The following MECOM variants were observed in gnomAD, a reference collection of about 807,000 sequenced individuals.
The protein encoded by MECOM is MDS1 and EVI1 complex locus.
Under a neutral mutation model 116.3 loss-of-function variants are expected in MECOM, and 13 were observed. The ratio of observed to expected loss-of-function variants is 0.11; its 90% CI spans 0.07 to 0.18. The LOEUF (loss-of-function observed/expected upper bound fraction) is 0.18. Among genes scored for constraint, MECOM ranks in the 10% least tolerant of loss-of-function variants. MECOM has a pLI of 1.00. For synonymous variants in MECOM, 528 were observed against 535.2 expected, an observed-to-expected ratio of 0.99 and a Z score of 0.19; for missense variants, 1,299 against 1,509.0, an observed-to-expected ratio of 0.86 and a Z score of 2.31.
At chr3:169,394,029 G>C (rs575922368) in intron 1 of MECOM, among the ~76,000 whole-genome samples, 1 of 152,050 alleles carries the variant, frequency 6.6e-6, no homozygotes, top group Non-Finnish European at 1.5e-5. Context: ...AAATCTACTG[G>C]AGACAGGAAA....
chr3:169,288,578 T>G (rs1040053709), intron 2 of MECOM, among the ~76,000 whole-genome samples: 3 of 152,192 alleles, frequency 2.0e-5, no homozygotes, highest in African/African-American at 7.2e-5. Context: ...CATTTAATAG[T>G]AACAAGAAAA....
At chr3:169,494,741 C>T (rs1753611188) in intron 1 of MECOM, among the ~76,000 whole-genome samples, 1 of 152,218 alleles carries the variant, frequency 6.6e-6, no homozygotes, top group East Asian at 1.9e-4. Flanking sequence ...TTTGTAAAAG[C>T]TCCCAGTGTG....
chr3:169,374,089 T>C (rs1730612974), intron 2 of MECOM, among the ~76,000 whole-genome samples: 1 of 151,802 alleles, frequency 6.6e-6, no homozygotes, highest in Non-Finnish European at 1.5e-5. Context: ...ATAGGATTAG[T>C]GTCCTTATAT....
intron 3 of MECOM, among the ~76,000 whole-genome samples, chr3:169,140,055 G>GAAA (rs10646514): frequency 7.1e-4 from 107 of 150,010 alleles, no homozygotes; most frequent in South Asian, 1.1e-3. Context: ...TCTGAATAAT[G>GAAA]AAAAAAAAAC....
chr3:169,512,298 G>C (rs1756070659), intron 1 of MECOM, among the ~76,000 whole-genome samples: 1 of 152,014 alleles, frequency 6.6e-6, no homozygotes. Flanking sequence ...ACTTACTAAC[G>C]CTCCCAAGAA....
At chr3:169,426,774 CCTT>C (rs1372187392) in intron 1 of MECOM, among the ~76,000 whole-genome samples, 1 of 152,140 alleles carries the variant, frequency 6.6e-6, no homozygotes, top group Non-Finnish European at 1.5e-5. Context: ...TCTTCAGAAT[CCTT>C]CTTCCAAATG....
intron 1 of MECOM, among the ~76,000 whole-genome samples, chr3:169,481,468 G>A (rs1038780536): frequency 5.9e-5 from 9 of 152,010 alleles, no homozygotes; most frequent in South Asian, 2.1e-4. Context: ...CAGGAGAATC[G>A]CTTGAACCTG....
chr3:169,505,173 G>A (rs1267059196), intron 1 of MECOM, among the ~76,000 whole-genome samples: 1 of 151,918 alleles, frequency 6.6e-6, no homozygotes, highest in Admixed American at 6.6e-5. Flanking sequence ...ATAAGTGCAA[G>A]GCCTACTCCT....
chr3:169,381,515 C>G lies in MECOM; in HGVS notation c.47G>C (p.Cys16Ser), dbSNP rs776402461. The G allele has an allele frequency of 6.3e-7, 1 of 1,589,064 alleles. No homozygotes were observed. Residue 16 changes from cysteine to serine, a missense_variant, in exon 2 of 17, where the codon TGT becomes TCT. Physicochemically the swap from Cys to Ser is moderately radical, Grantham distance 112. This residue lies in a region of MECOM where 374 missense variants were observed against 433.4 expected (regional missense o/e 0.86). Transcript: ENST00000651503. ...TATTTCAGGGTAGTTGCCATATACA[C>G]ACTCATTATCTGTGAATAAATAAGA... ...RARKLATNNE[C>S]VYGNYPEIPL...
chr3:169,213,259 T>A (rs1284506017), intron 2 of MECOM, among the ~76,000 whole-genome samples: 1 of 151,990 alleles, frequency 6.6e-6, no homozygotes, highest in African/African-American at 2.4e-5. Flanking sequence ...AATTAACGAG[T>A]CTTTATAGAA....
chr3:169,582,010 A>G (rs758298272), intron 1 of MECOM, among the ~76,000 whole-genome samples: 1 of 152,202 alleles, frequency 6.6e-6, no homozygotes, highest in Non-Finnish European at 1.5e-5. Context: ...GGTTGAAGGG[A>G]ATAGACTCCC....
chr3:169,558,041 T>G (rs1298056069), intron 1 of MECOM, among the ~76,000 whole-genome samples: 2 of 152,220 alleles, frequency 1.3e-5, no homozygotes, highest in Non-Finnish European at 2.9e-5. Flanking sequence ...AAAAGATTTT[T>G]TAAAATAATT....
chr3:169,162,166 A>G (rs1742947454), intron 2 of MECOM, among the ~76,000 whole-genome samples: 1 of 152,246 alleles, frequency 6.6e-6, no homozygotes, highest in Admixed American at 6.5e-5. Context: ...TCCTCAGACC[A>G]TCAGAGAATA....
chr3:169,149,852 A>G (rs111244306), intron 2 of MECOM: 3 of 328,116 alleles, frequency 9.1e-6, no homozygotes, highest in African/African-American at 4.4e-5. Flanking sequence ...ATAAATTGTG[A>G]AAAAGACTAA....
chr3:169,649,365 C>T (rs968041576), intron 1 of MECOM, among the ~76,000 whole-genome samples: 8 of 128,380 alleles, frequency 6.2e-5, no homozygotes, highest in Non-Finnish European at 1.2e-4. Context: ...GCCAAGATCA[C>T]GCCATTGCAC....
intron 1 of MECOM, chr3:169,389,641 C>T (rs1560212740): frequency 1.0e-6 from 1 of 963,242 alleles, no homozygotes; most frequent in Non-Finnish European, 1.2e-6. Context: ...GAAAGTAGAA[C>T]CGTCCTGAAT....
intron 1 of MECOM, among the ~76,000 whole-genome samples, chr3:169,417,813 C>T (rs373429709): frequency 1.8e-4 from 27 of 151,956 alleles, no homozygotes; most frequent in East Asian, 1.4e-3. Context: ...TGTAGGGACA[C>T]GGATGAAATT....
chr3:169,483,138 T>C (rs1037270267), intron 1 of MECOM, among the ~76,000 whole-genome samples: 1 of 152,004 alleles, frequency 6.6e-6, no homozygotes, highest in African/African-American at 2.4e-5. Context: ...AACACAGTCC[T>C]GCAGACCAAT....
At chr3:169,344,867 G>C (rs747712883) in intron 2 of MECOM, among the ~76,000 whole-genome samples, 4 of 152,108 alleles carry the variant, frequency 2.6e-5, no homozygotes, top group Non-Finnish European at 5.9e-5. Context: ...TGTATTAAAG[G>C]ACAGCCAGAG....
Sources: allele counts gnomAD v4.1 joint callset (sites outside exome capture counted in the v4.1 genomes callset), GRCh38; gene constraint gnomAD v4.1.1; regional missense constraint gnomAD v4.1.1; transcripts MANE v1.5; gene names NCBI Gene and HGNC (gene_info 2026-07-23, HGNC 2026-07-21).